AGAP1: variants seen among roughly 807,000 people sequenced by gnomAD.
AGAP1 encodes the protein ArfGAP with GTPase domain, ankyrin repeat and PH domain 1, also known as arf-GAP with GTPase, ANK repeat and PH domain-containing protein 1.
Under a neutral mutation model 105.3 loss-of-function variants are expected in AGAP1, and 29 were observed. The observed-to-expected ratio is 0.28, with a 90% CI of 0.21 to 0.38. The LOEUF (loss-of-function observed/expected upper bound fraction) is 0.38. Ranked by LOEUF, AGAP1 falls within the 10% of genes least tolerant of loss-of-function variation. AGAP1 has a pLI of 1.00. For missense variants in AGAP1, 998 were observed against 1,165.1 expected (o/e 0.86, Z 2.09); for synonymous variants, 509 against 485.9 (o/e 1.05, Z -0.63).
Position 236,062,693 on chromosome 2 carries a change from A to G in AGAP1, c.2114+13412A>G, listed in dbSNP as rs937185604. Among the ~76,000 whole-genome samples the G allele has an allele frequency of 4.0e-5, 6 of 151,808 alleles. No homozygotes were observed. The highest frequency in any genetic ancestry group is 1.2e-4 in the African/African-American group (5 of 41,320). On this transcript the variant is annotated intron_variant, in intron 16 of 17. Transcript: ENST00000304032. This position sits in a 1 kb window ranked among gnomAD's most constrained non-coding sequence, Gnocchi z 4.2. Reference sequence around the variant, plus strand: ...GTTTGTTTGTTTGAGATGGAATCTCACTCTGTCACCCAGGCTGGAGTGCAG... The same window carrying G: ...GTTTGTTTGTTTGAGATGGAATCTCGCTCTGTCACCCAGGCTGGAGTGCAG...
intron 9 of AGAP1, among the ~76,000 whole-genome samples, chr2:235,813,158 C>T (rs1001850685): frequency 1.2e-4 from 19 of 152,190 alleles, no homozygotes; most frequent in African/African-American, 3.1e-4. Context: ...TTGAGTATAT[C>T]GGGCACACCC....
At chr2:235,573,017 T>TTCTTC (rs1491145415) in intron 1 of AGAP1, among the ~76,000 whole-genome samples, 1 of 18,558 alleles carries the variant, frequency 5.4e-5, no homozygotes, top group East Asian at 3.0e-3. Flanking sequence ...TTCTTCTTCT[T>TTCTTC]CTTCTTCTTC....
chr2:235,774,897 C>T (rs957467101), intron 6 of AGAP1, among the ~76,000 whole-genome samples: 1 of 152,196 alleles, frequency 6.6e-6, no homozygotes, highest in African/African-American at 2.4e-5. Flanking sequence ...CTGTGCTTGT[C>T]ACCAGGCTAC....
chr2:235,777,612 G>A lies in AGAP1; in HGVS notation c.674-20147G>A, dbSNP rs144232632. Among the ~76,000 whole-genome samples the A allele has an allele frequency of 7.1e-3, 1,087 of 152,200 alleles. 41 individuals carry two copies. Among genetic ancestry groups the A allele is most frequent in the Admixed American group, 0.062 (940 of 15,274 alleles). On this transcript the variant is annotated intron_variant, in intron 6 of 17. Coordinates refer to ENST00000304032, the MANE Select transcript of AGAP1 (RefSeq NM_001037131.3). The surrounding 1 kb of genome is among the most constrained non-coding windows in gnomAD (Gnocchi z 5.1). Reference sequence around the variant, plus strand: ...CTGTCTCACCTGCACCCCTCCAATCGCCTTCTCAGAATCCGACGCTGGTCC... The same window carrying A: ...CTGTCTCACCTGCACCCCTCCAATCACCTTCTCAGAATCCGACGCTGGTCC...
At chr2:235,603,686 A>G (rs188909444) in intron 1 of AGAP1, among the ~76,000 whole-genome samples, 60 of 152,320 alleles carry the variant, frequency 3.9e-4, no homozygotes, top group African/African-American at 1.3e-3. Context: ...ACTTTCAGTG[A>G]TTTGTTTTTC....
In AGAP1 at chr2:235,555,822, T is replaced by C. The variant is rs979145324; in HGVS notation, c.163+60973T>C. On this transcript the variant is annotated intron_variant, in intron 1 of 17. Coordinates refer to ENST00000304032, the MANE Select transcript of AGAP1 (RefSeq NM_001037131.3). The surrounding 1 kb of genome is among the most constrained non-coding windows in gnomAD (Gnocchi z 5.1). ...TTACAGAAGTTAAATAGTGACTTGG[T>C]TCGGGGTCATGCCATGTGTGTGAGG... is the stretch of plus-strand genomic sequence containing the variant. 1.3e-5 allele frequency among the ~76,000 whole-genome samples: 2 copies of C among 152,124 alleles called. No individual in the cohort carries two copies. Among genetic ancestry groups the C allele is most frequent in the Non-Finnish European group, 2.9e-5 (2 of 68,022 alleles).
chr2:235,559,364 G>A lies in AGAP1; in HGVS notation c.163+64515G>A, dbSNP rs1346240280. 6.6e-6 allele frequency among the ~76,000 whole-genome samples: 1 copy of A among 152,220 alleles called. No individual in the cohort carries two copies. Among genetic ancestry groups the A allele is most frequent in the African/African-American group, 2.4e-5 (1 of 41,456 alleles). On this transcript the variant is annotated intron_variant, in intron 1 of 17. Coordinates refer to ENST00000304032, the MANE Select transcript of AGAP1 (RefSeq NM_001037131.3). The surrounding 1 kb of genome is among the most constrained non-coding windows in gnomAD (Gnocchi z 5.7). ...TGTTTTGTACTTGATCGGCTTCTCT[G>A]TGGCAAGCCAGAGGCGTCTGTGATG...
intron 4 of AGAP1, among the ~76,000 whole-genome samples, chr2:235,742,513 T>A (rs1952651091): frequency 6.6e-6 from 1 of 152,202 alleles, no homozygotes; most frequent in Admixed American, 6.5e-5. Flanking sequence ...GAAAACTTAG[T>A]TACAAAGCAG....
At position 235,569,828 on chromosome 2, in the gene AGAP1, A is replaced by G. The variant is rs193242015; in HGVS notation, c.163+74979A>G. 5.1e-4 allele frequency among the ~76,000 whole-genome samples: 78 copies of G among 152,320 alleles called. No individual in the cohort carries two copies. Among genetic ancestry groups the G allele is most frequent in the Admixed American group, 2.1e-3 (32 of 15,302 alleles). ...GAGTTCTCCCAAATCCCCATTGCCAATCAGTAGCTGAAAGTGGATGCTATT... is the reference window on the plus strand; with the variant it reads ...GAGTTCTCCCAAATCCCCATTGCCAGTCAGTAGCTGAAAGTGGATGCTATT... On this transcript the variant is annotated intron_variant, in intron 1 of 17. Transcript: ENST00000304032. This position sits in a 1 kb window ranked among gnomAD's most constrained non-coding sequence, Gnocchi z 5.9.
At chr2:235,929,694 T>C (rs10211191) in intron 11 of AGAP1, among the ~76,000 whole-genome samples, 36,998 of 151,980 alleles carry the variant, frequency 0.24, 5,163 homozygotes, top group South Asian at 0.4. Context: ...TTCTCATCCA[T>C]ATCACCGGAG....
rs1955982827 is a variant in AGAP1, at chr2:235,777,651, C to T, written c.674-20108C>T. The stretch of plus-strand genomic sequence containing the variant: ...CGACGCTGGTCCTAAGTGCCTTCAG[C>T]TGTCACCTGAGCACGTTCAAGCCTC... On this transcript the variant is annotated intron_variant, in intron 6 of 17. Coordinates refer to ENST00000304032, the MANE Select transcript of AGAP1 (RefSeq NM_001037131.3). The surrounding 1 kb of genome is among the most constrained non-coding windows in gnomAD (Gnocchi z 5.1). 6.6e-6 allele frequency among the ~76,000 whole-genome samples: 1 copy of T among 152,204 alleles called. No homozygotes were observed. Among genetic ancestry groups the T allele is most frequent in the Admixed American group, 6.5e-5 (1 of 15,286 alleles).
chr2:235,648,596 G>A (rs1229063597), intron 1 of AGAP1, among the ~76,000 whole-genome samples: 6 of 152,092 alleles, frequency 3.9e-5, no homozygotes, highest in South Asian at 2.1e-4. Context: ...TCATGTGGCC[G>A]GGCGCGGTGG....
chr2:235,666,804 A>G (rs999414938), intron 1 of AGAP1, among the ~76,000 whole-genome samples: 22 of 152,012 alleles, frequency 1.4e-4, no homozygotes, highest in Non-Finnish European at 8.8e-5. Flanking sequence ...AATGCTTCAG[A>G]TAACAAGCCA....
At chr2:235,899,651 C>A (rs540058412) in intron 10 of AGAP1, among the ~76,000 whole-genome samples, 1 of 152,306 alleles carries the variant, frequency 6.6e-6, no homozygotes, top group African/African-American at 2.4e-5. Context: ...TTTCTAGGAT[C>A]TAACTATTGA....
At chr2:235,897,057 T>G (rs1307516771) in intron 10 of AGAP1, among the ~76,000 whole-genome samples, 4 of 152,192 alleles carry the variant, frequency 2.6e-5, no homozygotes, top group Non-Finnish European at 5.9e-5. Flanking sequence ...CTTATTTCTT[T>G]TTTTGTTTGT....
chr2:235,913,653 A>G (rs144842993), intron 11 of AGAP1, among the ~76,000 whole-genome samples: 112 of 152,196 alleles, frequency 7.4e-4, no homozygotes, highest in African/African-American at 2.6e-3. Flanking sequence ...TTTCTCTTTT[A>G]TCTTCCAGTT....
intron 12 of AGAP1, among the ~76,000 whole-genome samples, chr2:235,966,090 G>A (rs111472061): frequency 6.9e-6 from 1 of 144,684 alleles, no homozygotes; most frequent in African/African-American, 2.5e-5. Context: ...GGAGGAGAGG[G>A]GAGCCCGTTC....
chr2:235,783,666 G>A (rs998994053), intron 6 of AGAP1, among the ~76,000 whole-genome samples: 1 of 151,856 alleles, frequency 6.6e-6, no homozygotes, highest in Non-Finnish European at 1.5e-5. Flanking sequence ...GTTCTACAAC[G>A]GGCAAACTGA....
rs1490008477 is a variant in AGAP1 at position 236,052,000 on chromosome 2, AG to A, written c.2114+2720del. 1.3e-5 allele frequency among the ~76,000 whole-genome samples: 2 copies of A among 152,166 alleles called. No homozygotes were observed. The highest frequency in any genetic ancestry group is 4.8e-5 in the African/African-American group (2 of 41,438). On this transcript the variant is annotated intron_variant, in intron 16 of 17. Coordinates refer to ENST00000304032, the MANE Select transcript of AGAP1 (RefSeq NM_001037131.3). The surrounding 1 kb of genome is among the most constrained non-coding windows in gnomAD (Gnocchi z 5.9). Reference sequence around the variant, plus strand: ...CGCAAGCCGGTCTGTCCATGACGTGAGAAGATTCTGCCTTTCGAAGCCACCC... The same window carrying A: ...CGCAAGCCGGTCTGTCCATGACGTGAAAGATTCTGCCTTTCGAAGCCACCC...
Sources: gnomAD v4.1 joint callset for allele counts (sites outside exome capture counted in the v4.1 genomes callset) on GRCh38, gnomAD v4.1.1 for gene constraint, Gnocchi (gnomAD v3.1) non-coding constraint, MANE v1.5 for transcripts, NCBI Gene and HGNC (gene_info 2026-07-23, HGNC 2026-07-21) for gene names.